The following XKR9 variants were observed in gnomAD, a reference collection of about 807,000 sequenced individuals.
XKR9 encodes XK related 9.
A neutral mutation model predicts 32.0 loss-of-function variants in XKR9; 32 were observed. The ratio of observed to expected loss-of-function variants is 1.00; its 90% CI spans 0.76 to 1.34. XKR9 has a LOEUF of 1.34. XKR9 is among the 40% of genes most tolerant of loss of function. The probability of loss-of-function intolerance (pLI) is 0.00; values close to 1 mark genes in which losing one functional copy is unlikely to be tolerated. For missense variants in XKR9, 546 were observed against 429.7 expected, an observed-to-expected ratio of 1.27 and a Z score of -2.39; for synonymous variants, 168 against 143.4, an observed-to-expected ratio of 1.17 and a Z score of -1.22.
chr8:70,748,586 C>G (rs567160738), intron 2 of XKR9, among the ~76,000 whole-genome samples: 1 of 152,194 alleles, frequency 6.6e-6, no homozygotes, highest in African/African-American at 2.4e-5. Context: ...CTGTGCAGGT[C>G]TGCAGGTGCC....
the XKR9 span, among the ~76,000 whole-genome samples, chr8:70,948,682 T>C: frequency 1.5e-4 from 23 of 152,354 alleles, no homozygotes; most frequent in East Asian, 3.7e-3. Flanking sequence ...CTGGAAGGAA[T>C]GCCTGCACAC....
the XKR9 span, among the ~76,000 whole-genome samples, chr8:70,837,085 G>A: frequency 2.0e-5 from 3 of 151,974 alleles, no homozygotes; most frequent in Non-Finnish European, 2.9e-5. Context: ...TATGACGAGC[G>A]GGTTACATAA....
the XKR9 span, among the ~76,000 whole-genome samples, chr8:70,871,588 C>T: frequency 6.6e-6 from 1 of 152,164 alleles, no homozygotes; most frequent in Non-Finnish European, 1.5e-5. Flanking sequence ...AGAAAGCAAA[C>T]TTAATAGATA....
intron 3 of XKR9, among the ~76,000 whole-genome samples, chr8:70,699,281 TG>T (rs1440895854): frequency 6.6e-6 from 1 of 152,214 alleles, no homozygotes; most frequent in Non-Finnish European, 1.5e-5. Flanking sequence ...CTAGCCTCGA[TG>T]GTCTTTACAA....
At chr8:70,722,116 C>G (rs1265924312) in intron 4 of XKR9, among the ~76,000 whole-genome samples, 1 of 151,942 alleles carries the variant, frequency 6.6e-6, no homozygotes, top group Non-Finnish European at 1.5e-5. Flanking sequence ...ACTAGCATTG[C>G]AACCCCTGAT....
At chr8:70,803,679 A>T in the XKR9 span, among the ~76,000 whole-genome samples, 1 of 152,104 alleles carries the variant, frequency 6.6e-6, no homozygotes, top group Admixed American at 6.5e-5. Context: ...ACTGGCTTCT[A>T]TTTTAGCCTG....
At chr8:70,711,105 C>T (rs1336969371) in intron 4 of XKR9, among the ~76,000 whole-genome samples, 1 of 151,998 alleles carries the variant, frequency 6.6e-6, no homozygotes. Context: ...ATGACTGTTA[C>T]TAAAAAGTCA....
chr8:70,740,051 C>T (rs1320497757), downstream of XKR9, among the ~76,000 whole-genome samples: 7 of 152,202 alleles, frequency 4.6e-5, no homozygotes, highest in Non-Finnish European at 7.3e-5. Context: ...TGGATAATAT[C>T]CTGCAGAGTG....
At chr8:70,992,300 A>G in the XKR9 span, among the ~76,000 whole-genome samples, 3 of 152,212 alleles carry the variant, frequency 2.0e-5, no homozygotes, top group African/African-American at 7.2e-5. Flanking sequence ...CTCAAATTCA[A>G]AAATAAATAC....
the XKR9 span, among the ~76,000 whole-genome samples, chr8:70,961,881 TA>T: frequency 6.6e-6 from 1 of 152,066 alleles, no homozygotes; most frequent in Non-Finnish European, 1.5e-5. Flanking sequence ...CACTTAACTT[TA>T]AAAAAAATTT....
the XKR9 span, among the ~76,000 whole-genome samples, chr8:70,940,570 A>G: frequency 1.3e-5 from 2 of 152,110 alleles, no homozygotes; most frequent in African/African-American, 4.8e-5. Context: ...TATATTACAA[A>G]GAAGATAATA....
the XKR9 span, among the ~76,000 whole-genome samples, chr8:70,972,446 T>C: frequency 6.6e-6 from 1 of 152,136 alleles, no homozygotes; most frequent in Non-Finnish European, 1.5e-5. Flanking sequence ...CCGATTTGGG[T>C]GCCCTTAATT....
the XKR9 span, among the ~76,000 whole-genome samples, chr8:70,961,359 G>A: frequency 6.6e-6 from 1 of 152,110 alleles, no homozygotes; most frequent in Non-Finnish European, 1.5e-5. Flanking sequence ...ATGAAGGTGA[G>A]CAAAGGCAGG....
At chr8:70,952,440 C>T in the XKR9 span, among the ~76,000 whole-genome samples, 67 of 152,314 alleles carry the variant, frequency 4.4e-4, no homozygotes, top group Admixed American at 4.4e-3. Flanking sequence ...CAATTCAAAT[C>T]CCTTTCTTGT....
the XKR9 span, among the ~76,000 whole-genome samples, chr8:70,986,134 A>G: frequency 2.0e-5 from 3 of 152,216 alleles, no homozygotes; most frequent in African/African-American, 7.2e-5. Context: ...TAATAGGGCG[A>G]CAATATGAAG....
At chr8:70,675,739 C>T (rs1256542105) in intron 2 of XKR9, among the ~76,000 whole-genome samples, 2 of 152,206 alleles carry the variant, frequency 1.3e-5, no homozygotes, top group East Asian at 1.9e-4. Flanking sequence ...CTTTGCTCCA[C>T]TTCTGAATAA....
chr8:70,725,630 G>T (rs1231366749), intron 4 of XKR9, among the ~76,000 whole-genome samples: 1 of 152,150 alleles, frequency 6.6e-6, no homozygotes, highest in South Asian at 2.1e-4. Context: ...ATGGGGCTGG[G>T]TGTGGTGGCT....
chr8:70,950,822 C>T, the XKR9 span, among the ~76,000 whole-genome samples: 32 of 151,998 alleles, frequency 2.1e-4, no homozygotes, highest in African/African-American at 7.5e-4. Flanking sequence ...TACAGGCACC[C>T]ACCACCATGC....
the XKR9 span, among the ~76,000 whole-genome samples, chr8:70,952,106 G>GA: frequency 0.41 from 57,802 of 142,322 alleles, 12,810 homozygotes; most frequent in Non-Finnish European, 0.53. Context: ...ATTATAAAAT[G>GA]AAAAAAAAAG....
Sources: allele counts gnomAD v4.1 joint callset (sites outside exome capture counted in the v4.1 genomes callset), GRCh38; gene constraint gnomAD v4.1.1; transcripts MANE v1.5; gene names NCBI Gene and HGNC (gene_info 2026-07-23, HGNC 2026-07-21).